The following TENT4B variants were observed in gnomAD, a reference collection of about 807,000 sequenced individuals.
TENT4B encodes terminal nucleotidyltransferase 4B.
TENT4B carries 10 observed loss-of-function variants against 75.0 expected under a neutral mutation model. The observed-to-expected ratio is 0.13, with a 90% CI of 0.08 to 0.23. TENT4B has a LOEUF of 0.23. Ranked by LOEUF, TENT4B falls within the 10% of genes least tolerant of loss-of-function variation. The pLI is 1.00. For missense variants in TENT4B, 579 were observed against 893.8 expected, an observed-to-expected ratio of 0.65 and a Z score of 4.49; for synonymous variants, 350 against 357.7, an observed-to-expected ratio of 0.98 and a Z score of 0.24.
At chr16:50,196,814 G>A (rs1596706083) in intron 1 of TENT4B, among the ~76,000 whole-genome samples, 1 of 151,772 alleles carries the variant, frequency 6.6e-6, no homozygotes, top group Non-Finnish European at 1.5e-5. Flanking sequence ...GCATGCAGCT[G>A]TAGTCCCAGC....
intron 10 of TENT4B, 39 bp downstream of exon 10, chr16:50,225,324 A>G (rs2032001079): frequency 1.3e-6 from 2 of 1,556,118 alleles, no homozygotes; most frequent in South Asian, 1.2e-5. Flanking sequence ...ACTCAGATGC[A>G]TGCACGTTCT....
Position 50,154,192 on chromosome 16 carries a change from G to C in TENT4B, c.571G>C (p.Asp191His), listed in dbSNP as rs1747984597. ...GGRAAGGGRA[D>H]GGGVVYSGTP... is the part of the protein sequence containing the mutation. ...GCGGGCCGCGGGGGGCGGCCGAGCAGACGGCGGCGGGGTCGTGTACAGCGG... is the reference window on the plus strand; with the variant it reads ...GCGGGCCGCGGGGGGCGGCCGAGCACACGGCGGCGGGGTCGTGTACAGCGG... Residue 191 changes from aspartate to histidine, a missense_variant, in exon 1 of 12, where the codon GAC (aspartate) becomes CAC (histidine). By Grantham distance (81) the Asp-to-His change is moderately conservative. This residue lies in a region of TENT4B where 253 missense variants were observed against 270.1 expected (regional missense o/e 0.94). Transcript: ENST00000561678. 3.3e-6 allele frequency: 5 copies of C among 1,505,092 alleles called. No homozygotes were observed. Among genetic ancestry groups the C allele is most frequent in the Non-Finnish European group, 4.4e-6 (5 of 1,134,602 alleles). The allele number at this position is 1,505,092 out of a possible 1,614,324, so 93.2% of individuals were successfully genotyped here.
intron 1 of TENT4B, among the ~76,000 whole-genome samples, chr16:50,155,268 C>CATGGGTGTGTGTGTGT (rs1555506859): frequency 1.0e-4 from 3 of 30,080 alleles, no homozygotes; most frequent in Non-Finnish European, 2.3e-4. Context: ...TTTTGGGTCT[C>CATGGGTGTGTGTGTGT]GTGGGTGTGT....
chr16:50,186,192 T>C (rs2038523044), intron 1 of TENT4B, among the ~76,000 whole-genome samples: 1 of 152,160 alleles, frequency 6.6e-6, no homozygotes, highest in African/African-American at 2.4e-5. Context: ...CTGTACTCAT[T>C]AAACAATAGT....
chr16:50,184,495 C>T (rs1320380887), intron 1 of TENT4B, among the ~76,000 whole-genome samples: 7 of 151,938 alleles, frequency 4.6e-5, no homozygotes, highest in East Asian at 3.9e-4. Flanking sequence ...GGTGAAACCC[C>T]GTCTCTACTA....
chr16:50,188,687 T>C (rs1379649170), intron 1 of TENT4B, among the ~76,000 whole-genome samples: 1 of 152,188 alleles, frequency 6.6e-6, no homozygotes, highest in African/African-American at 2.4e-5. Flanking sequence ...ATTTAATTTT[T>C]TCATCCAGTT....
At chr16:50,168,829 A>G (rs1597227603) in intron 1 of TENT4B, among the ~76,000 whole-genome samples, 1 of 151,598 alleles carries the variant, frequency 6.6e-6, no homozygotes, top group Non-Finnish European at 1.5e-5. Context: ...TATTTTTAGT[A>G]GAGATGGGGT....
rs2032338010 is a variant in TENT4B at position 50,232,914 on chromosome 16, A to G, written c.*3586A>G. On this transcript the variant is annotated 3_prime_UTR_variant, in exon 12 of 12. Transcript: ENST00000561678. The stretch of plus-strand genomic sequence containing the variant: ...AGTTGGTTGCTTCACAGTCAAAACT[A>G]AATGGTAAACTATCAAAAATACATT... The G allele has an allele frequency of 1.0e-6, 1 of 985,424 alleles. No homozygotes were observed. The allele number at this position is 985,424 out of a possible 1,614,324, so 61.0% of individuals were successfully genotyped here.
At chr16:50,161,909 A>G (rs1388201744) in intron 1 of TENT4B, among the ~76,000 whole-genome samples, 3 of 152,122 alleles carry the variant, frequency 2.0e-5, no homozygotes, top group East Asian at 1.9e-4. Flanking sequence ...GTAACAGTCT[A>G]TAGTTCTATA....
intron 5 of TENT4B, among the ~76,000 whole-genome samples, chr16:50,221,984 C>T (rs1271544961): frequency 2.6e-5 from 4 of 152,054 alleles, no homozygotes; most frequent in Non-Finnish European, 5.9e-5. Flanking sequence ...AGGCTGGTCT[C>T]GAACTCCTGA....
chr16:50,156,146 T>C (rs2037894968), intron 1 of TENT4B, among the ~76,000 whole-genome samples: 1 of 152,150 alleles, frequency 6.6e-6, no homozygotes, highest in Non-Finnish European at 1.5e-5. Context: ...TAAACCTCTT[T>C]AAAAACTGCT....
chr16:50,215,944 C>T (rs2031530121), intron 3 of TENT4B, 131 bp from the exon 4 acceptor site: 1 of 1,059,134 alleles, frequency 9.4e-7, no homozygotes, highest in Admixed American at 2.3e-5. Context: ...TTATCACCAA[C>T]ACATTTAGTC....
At chr16:50,222,052 A>G (rs1009440477) in intron 5 of TENT4B, among the ~76,000 whole-genome samples, 1 of 152,206 alleles carries the variant, frequency 6.6e-6, no homozygotes, top group African/African-American at 2.4e-5. Flanking sequence ...GGCATGAGCC[A>G]CCATGCCCAG....
In TENT4B at chr16:50,230,929, A is replaced by G. The variant is rs2150755419; in HGVS notation, c.*1601A>G. 3.1e-6 allele frequency: 3 copies of G among 980,156 alleles called. No individual in the cohort carries two copies. The highest frequency in any genetic ancestry group is 1.7e-5 in the African/African-American group (1 of 57,236). The allele number at this position is 980,156 out of a possible 1,614,324, so 60.7% of individuals were successfully genotyped here. ...ACGAGATTCTTTTATATATATATACATATAAAGTACTATTGGCTTTTAGGA... is the reference window on the plus strand; with the variant it reads ...ACGAGATTCTTTTATATATATATACGTATAAAGTACTATTGGCTTTTAGGA... On this transcript the variant is annotated 3_prime_UTR_variant, in exon 12 of 12. Coordinates refer to ENST00000561678, the MANE Select transcript of TENT4B (RefSeq NM_001365324.3).
chr16:50,169,086 T>C (rs1408134788), intron 1 of TENT4B, among the ~76,000 whole-genome samples: 4 of 152,202 alleles, frequency 2.6e-5, no homozygotes, highest in Non-Finnish European at 5.9e-5. Context: ...ATATCCAATG[T>C]TCATATTTCC....
intron 1 of TENT4B, among the ~76,000 whole-genome samples, chr16:50,176,205 G>A (rs1333240909): frequency 6.6e-6 from 1 of 151,068 alleles, no homozygotes; most frequent in Non-Finnish European, 1.5e-5. Context: ...TCCCACCTCA[G>A]CCTCCCAAGC....
In TENT4B at chr16:50,230,386, T is replaced by G; in HGVS notation, c.*1058T>G. 1 of 985,660 alleles carries G rather than the reference T, an allele frequency of 1.0e-6. No homozygotes were observed. The highest frequency in any genetic ancestry group is 4.7e-5 in the South Asian group (1 of 21,266). 61.1% of individuals were successfully genotyped at this position (985,660 alleles called of 1,614,324 possible). Reference sequence around the variant, plus strand: ...AGTTCCACAGACTTTGCATGCTGGCTTCTCTAACCCTGTGTGCTGCGTGTG... The same window carrying G: ...AGTTCCACAGACTTTGCATGCTGGCGTCTCTAACCCTGTGTGCTGCGTGTG... On this transcript the variant is annotated 3_prime_UTR_variant, in exon 12 of 12. Transcript: ENST00000561678.
chr16:50,166,145 T>C (rs946345095), intron 1 of TENT4B, among the ~76,000 whole-genome samples: 2 of 150,574 alleles, frequency 1.3e-5, no homozygotes, highest in Admixed American at 1.3e-4. Flanking sequence ...TGCAGTAGCA[T>C]GATCTTGGCT....
Position 50,233,502 on chromosome 16 carries a change from C to CTT in TENT4B, c.*4183_*4184dup. 1.1e-6 allele frequency: 1 copy of CTT among 887,492 alleles called. No homozygotes were observed. Among genetic ancestry groups the CTT allele is most frequent in the African/African-American group, 1.8e-5 (1 of 54,616 alleles). The allele number at this position is 887,492 out of a possible 1,614,324, so 55.0% of individuals were successfully genotyped here. A position where few individuals can be genotyped will look rare whatever the true frequency, so the allele number is the denominator to read the frequency against. On this transcript the variant is annotated 3_prime_UTR_variant, in exon 12 of 12. Transcript: ENST00000561678. ...TGACTTCACACCCTTAGCGACTTTT[C>CTT]TTTTTTTTTTGGTCAAAGATAATGA...
Sources: allele counts gnomAD v4.1 joint callset (sites outside exome capture counted in the v4.1 genomes callset), GRCh38; gene constraint gnomAD v4.1.1; regional missense constraint gnomAD v4.1.1; transcripts MANE v1.5; gene names NCBI Gene and HGNC (gene_info 2026-07-23, HGNC 2026-07-21).